NLGN1: variants seen among roughly 807,000 people sequenced by gnomAD.
NLGN1 encodes neuroligin 1, also known as neuroligin-1.
A neutral mutation model predicts 65.5 loss-of-function variants in NLGN1; 12 were observed. The observed-to-expected ratio is 0.18, with a 90% CI of 0.12 to 0.30. The LOEUF (loss-of-function observed/expected upper bound fraction) is 0.30, where lower values mean the gene tolerates loss of function less well. Among genes scored for constraint, NLGN1 ranks in the 10% least tolerant of loss-of-function variants. The pLI, the probability that NLGN1 is intolerant of heterozygous loss-of-function variation, is 1.00. For missense variants in NLGN1, 750 were observed against 1,007.1 expected (o/e 0.74, Z 3.46); for synonymous variants, 350 against 359.5 (o/e 0.97, Z 0.30).
chr3:174,291,902 C>T, the NLGN1 span, among the ~76,000 whole-genome samples: 3,098 of 151,198 alleles, frequency 0.02, 73 homozygotes, highest in Middle Eastern at 0.082. Flanking sequence ...CACGGTACAG[C>T]TATAAGAAAT....
chr3:174,099,084 C>T (rs1711789679), intron 4 of NLGN1, among the ~76,000 whole-genome samples: 1 of 152,072 alleles, frequency 6.6e-6, no homozygotes, highest in South Asian at 2.1e-4. Flanking sequence ...CTATTAAAAT[C>T]AAAACAGTCT....
rs200267808 is a variant in NLGN1 at position 174,266,049 on chromosome 3, T to A, written c.647-9266T>A. Among the ~76,000 whole-genome samples, 661 of 107,736 alleles carry A rather than the reference T, an allele frequency of 6.1e-3. 5 individuals are homozygous for A. The highest frequency in any genetic ancestry group is 0.017 in the East Asian group (24 of 1,404). The allele number at this position is 107,736 out of a possible 152,430, so 70.7% of individuals were successfully genotyped here. On this transcript the variant is annotated intron_variant, in intron 4 of 6. Transcript: ENST00000457714. ...GTGTGTGTGTATATATATATATATT[T>A]TTTTTTTCTTTCCAACTTTTATTTT...
At chr3:173,987,223 C>G (rs939684492) in intron 4 of NLGN1, among the ~76,000 whole-genome samples, 1 of 152,174 alleles carries the variant, frequency 6.6e-6, no homozygotes, top group Non-Finnish European at 1.5e-5. Flanking sequence ...CCTCTTCAGC[C>G]TAACACTAAG....
chr3:174,018,222 C>G (rs892508228), intron 4 of NLGN1, among the ~76,000 whole-genome samples: 3 of 152,180 alleles, frequency 2.0e-5, no homozygotes, highest in African/African-American at 7.2e-5. Context: ...CTGAACATCA[C>G]TGTTATCCTG....
chr3:174,134,904 G>T (rs1720928447), intron 4 of NLGN1, among the ~76,000 whole-genome samples: 1 of 152,090 alleles, frequency 6.6e-6, no homozygotes, highest in Admixed American at 6.5e-5. Context: ...AAAGATTAAG[G>T]CTGTGCCTTT....
chr3:173,771,772 T>C (rs1359045899), intron 3 of NLGN1, among the ~76,000 whole-genome samples: 2 of 152,012 alleles, frequency 1.3e-5, no homozygotes, highest in Non-Finnish European at 2.9e-5. Context: ...TTTTTATATA[T>C]ATCAAACTTA....
In NLGN1 at chr3:173,537,768, A is replaced by G. The variant is rs542724780; in HGVS notation, c.-320-66511A>G. On this transcript the variant is annotated intron_variant, in intron 2 of 6. Transcript: ENST00000457714. ...TTGGATTGAGTTGGTGTACTCTTTC[A>G]TTGACTTTATGCACAGGACATAGTG... 1.3e-3 allele frequency among the ~76,000 whole-genome samples: 198 copies of G among 152,168 alleles called. 1 individual carries two copies. Among genetic ancestry groups the G allele is most frequent in the African/African-American group, 4.4e-3 (183 of 41,510 alleles).
intron 4 of NLGN1, among the ~76,000 whole-genome samples, chr3:173,837,983 C>G (rs776292642): frequency 6.6e-6 from 1 of 152,042 alleles, no homozygotes; most frequent in Admixed American, 6.5e-5. Flanking sequence ...ACAAATGGCA[C>G]ACTTAAAGCT....
chr3:173,962,868 A>G (rs958298621), intron 4 of NLGN1, among the ~76,000 whole-genome samples: 2 of 152,130 alleles, frequency 1.3e-5, no homozygotes, highest in African/African-American at 2.4e-5. Flanking sequence ...GATCTATTAT[A>G]TTGAGTTAGT....
chr3:173,625,337 TC>T (rs1307157510), intron 3 of NLGN1, among the ~76,000 whole-genome samples: 1 of 152,032 alleles, frequency 6.6e-6, no homozygotes, highest in Non-Finnish European at 1.5e-5. Context: ...CTATTTCCTG[TC>T]CCCTCCCCCC....
chr3:173,681,783 A>T (rs2149786890), intron 3 of NLGN1, among the ~76,000 whole-genome samples: 1 of 152,306 alleles, frequency 6.6e-6, no homozygotes, highest in African/African-American at 2.4e-5. Context: ...CCTCACAGGG[A>T]TATTATCAAA....
At chr3:173,890,300 G>A (rs977922459) in intron 4 of NLGN1, among the ~76,000 whole-genome samples, 2 of 152,038 alleles carry the variant, frequency 1.3e-5, no homozygotes, top group Admixed American at 1.3e-4. Flanking sequence ...GCAGCTAATG[G>A]TCAGAGGTTT....
intron 4 of NLGN1, among the ~76,000 whole-genome samples, chr3:173,941,142 T>C (rs1175524022): frequency 6.6e-6 from 1 of 152,138 alleles, no homozygotes; most frequent in Admixed American, 6.6e-5. Context: ...ACATGCCAGA[T>C]AGTTTTGCTT....
intron 4 of NLGN1, among the ~76,000 whole-genome samples, chr3:174,263,996 A>ATGT (rs201287108): frequency 0.11 from 16,532 of 150,940 alleles, 1,076 homozygotes; most frequent in Non-Finnish European, 0.14. Flanking sequence ...TTTTTTAAGA[A>ATGT]TGTTGAATAT....
intron 3 of NLGN1, among the ~76,000 whole-genome samples, chr3:173,665,592 G>A (rs778596242): frequency 1.8e-4 from 27 of 152,080 alleles, no homozygotes; most frequent in Admixed American, 3.9e-4. Context: ...GAGGAATCTC[G>A]CATGTGTAAA....
intron 3 of NLGN1, among the ~76,000 whole-genome samples, chr3:173,621,020 T>C (rs1019150634): frequency 1.1e-4 from 16 of 152,152 alleles, no homozygotes; most frequent in African/African-American, 3.9e-4. Flanking sequence ...AACGTGTATT[T>C]CCGAGCATTT....
intron 4 of NLGN1, among the ~76,000 whole-genome samples, chr3:173,961,464 T>C (rs1713548147): frequency 6.6e-6 from 1 of 152,032 alleles, no homozygotes; most frequent in South Asian, 2.1e-4. Flanking sequence ...TGTGAAAATA[T>C]TGTTTATGCA....
At chr3:174,284,608 T>G (rs1284137564) in exon 7 of NLGN1, 1 of 151,326 alleles carries the variant, frequency 6.6e-6, no homozygotes, top group African/African-American at 2.4e-5. Context: ...ACCAAGAGAT[T>G]AATGTTTTAG....
In NLGN1 at chr3:174,279,988, C is replaced by T. The variant is rs548725374; in HGVS notation, c.1649+338C>T. Among the ~76,000 whole-genome samples, 1 of 151,988 alleles carries T rather than the reference C, an allele frequency of 6.6e-6. No homozygotes were observed. The highest frequency in any genetic ancestry group is 6.6e-5 in the Admixed American group (1 of 15,234). ...CATTCACAACACTCTTTAATCCTTC[C>T]AACTACCTTTCTGAATCTCGCAGAT... On this transcript the variant is annotated intron_variant, in intron 6 of 6. Coordinates refer to ENST00000457714, the Ensembl canonical transcript of NLGN1. The surrounding 1 kb of genome is among the most constrained non-coding windows in gnomAD (Gnocchi z 4.7).
Sources: gnomAD v4.1 joint callset for allele counts (sites outside exome capture counted in the v4.1 genomes callset) on GRCh38, gnomAD v4.1.1 for gene constraint, Gnocchi (gnomAD v3.1) non-coding constraint, MANE v1.5 for transcripts, NCBI Gene and HGNC (gene_info 2026-07-23, HGNC 2026-07-21) for gene names.